The following ARIH1 variants were observed in gnomAD, a reference collection of about 807,000 sequenced individuals.
The protein encoded by ARIH1 is ariadne RBR E3 ubiquitin protein ligase 1.
A neutral mutation model predicts 85.0 loss-of-function variants in ARIH1; 8 were observed. The ratio of observed to expected loss-of-function variants is 0.09; its 90% CI spans 0.06 to 0.17. The LOEUF is 0.17. Ranked by LOEUF, ARIH1 falls within the 10% of genes least tolerant of loss-of-function variation. ARIH1 has a pLI of 1.00. For missense variants in ARIH1, 311 were observed against 718.1 expected (o/e 0.43, Z 6.48); for synonymous variants, 238 against 253.6 (o/e 0.94, Z 0.59).
At chr15:72,475,080 G>A (rs12903192) in intron 1 of ARIH1, 66 bp downstream of exon 1, 2 of 1,537,564 alleles carry the variant, frequency 1.3e-6, no homozygotes, top group Admixed American at 2.0e-5. Context: ...CGGCACGCGC[G>A]GTCCCGAGGG....
chr15:72,504,594 T>C (rs144830345), intron 1 of ARIH1, among the ~76,000 whole-genome samples: 1 of 152,206 alleles, frequency 6.6e-6, no homozygotes, highest in Non-Finnish European at 1.5e-5. Context: ...GCCGCTTCTC[T>C]CGTTCGTCTT....
In ARIH1 at chr15:72,598,983, G is replaced by A. The variant is rs993893549; in HGVS notation, c.*15691G>A. ...TTAAAGGCATGAGCCACCATGCCTG[G>A]TTAGGAATGGGAGTTTAAACAATGG... On this transcript the variant is annotated 3_prime_UTR_variant, in exon 14 of 14. Coordinates refer to ENST00000379887, the MANE Select transcript of ARIH1 (RefSeq NM_005744.5). The A allele has an allele frequency of 6.6e-6, 1 of 152,016 alleles. No individual in the cohort carries two copies. The highest frequency in any genetic ancestry group is 2.4e-5 in the African/African-American group (1 of 41,396). The allele number at this position is 152,016 out of a possible 1,614,324, so 9.4% of individuals were successfully genotyped here.
intron 2 of ARIH1, among the ~76,000 whole-genome samples, chr15:72,531,927 A>T (rs1168757897): frequency 1.3e-5 from 2 of 152,210 alleles, no homozygotes; most frequent in African/African-American, 4.8e-5. Flanking sequence ...ATTGTTATTT[A>T]AGCAACTATT....
intron 2 of ARIH1, among the ~76,000 whole-genome samples, chr15:72,533,418 C>T (rs1051532804): frequency 2.0e-5 from 3 of 152,190 alleles, no homozygotes; most frequent in African/African-American, 7.2e-5. Flanking sequence ...GCCCGTGGGC[C>T]CGGCCCCTGG....
chr15:72,483,662 C>T (rs796558442), intron 1 of ARIH1, among the ~76,000 whole-genome samples: 89 of 152,158 alleles, frequency 5.8e-4, no homozygotes, highest in African/African-American at 2.0e-3. Flanking sequence ...TTGGATTAAC[C>T]GTAAATTAAT....
At chr15:72,550,916 C>A (rs1567353719) in intron 3 of ARIH1, among the ~76,000 whole-genome samples, 1 of 152,146 alleles carries the variant, frequency 6.6e-6, no homozygotes, top group Non-Finnish European at 1.5e-5. Flanking sequence ...AGGTGATCCG[C>A]CTGCCTCAGC....
chr15:72,524,853 A>T (rs2064019968), intron 2 of ARIH1, among the ~76,000 whole-genome samples: 1 of 152,166 alleles, frequency 6.6e-6, no homozygotes, highest in Admixed American at 6.5e-5. Context: ...TATAAATAAA[A>T]TAATGATTGA....
intron 10 of ARIH1, 92 bp from the exon 11 acceptor site, chr15:72,572,016 A>G: frequency 1.1e-6 from 1 of 881,510 alleles, no homozygotes; most frequent in Non-Finnish European, 1.8e-6. Flanking sequence ...GGTGTTAGAT[A>G]ATCTGTAAAT....
Position 72,485,156 on chromosome 15 carries a change from ACG to A in ARIH1, c.375+10143_375+10144del, listed in dbSNP as rs1259482208. Among the ~76,000 whole-genome samples the A allele has an allele frequency of 2.6e-5, 4 of 152,166 alleles. No individual in the cohort carries two copies. The East Asian group carries it at 5.8e-4, about 22-fold the overall frequency. On this transcript the variant is annotated intron_variant, in intron 1 of 13. Coordinates refer to ENST00000379887, the MANE Select transcript of ARIH1 (RefSeq NM_005744.5). The stretch of plus-strand genomic sequence containing the variant: ...CTGAAGTTGTATAGCATTGAATCCC[ACG>A]TACTCTACCGATTTTTTCTACAGTG...
chr15:72,575,586 G>A (rs2064267376), intron 11 of ARIH1, among the ~76,000 whole-genome samples: 1 of 148,206 alleles, frequency 6.7e-6, no homozygotes, highest in Non-Finnish European at 1.5e-5. Flanking sequence ...AGTCTTATTA[G>A]CAGTGATGGT....
At chr15:72,503,494 T>A (rs2063912067) in intron 1 of ARIH1, among the ~76,000 whole-genome samples, 1 of 152,194 alleles carries the variant, frequency 6.6e-6, no homozygotes, top group African/African-American at 2.4e-5. Flanking sequence ...ATTTCAGTTC[T>A]GTAGTGTTCT....
At chr15:72,508,069 T>C (rs907776684) in intron 1 of ARIH1, among the ~76,000 whole-genome samples, 18 of 152,232 alleles carry the variant, frequency 1.2e-4, no homozygotes, top group Non-Finnish European at 2.6e-4. Flanking sequence ...CCCTTGACAG[T>C]TGAATCAGAA....
intron 11 of ARIH1, among the ~76,000 whole-genome samples, chr15:72,577,150 T>G (rs1345723026): frequency 1.3e-5 from 2 of 151,520 alleles, no homozygotes; most frequent in Admixed American, 6.6e-5. Context: ...GCCTGGCTAA[T>G]TTTTTTGTAT....
intron 11 of ARIH1, among the ~76,000 whole-genome samples, chr15:72,578,567 G>T (rs2064281792): frequency 6.6e-6 from 1 of 151,896 alleles, no homozygotes; most frequent in Admixed American, 6.6e-5. Context: ...TATGTCTTAT[G>T]CATTCATGAC....
intron 3 of ARIH1, among the ~76,000 whole-genome samples, chr15:72,554,427 C>G (rs1451487855): frequency 6.6e-6 from 1 of 152,142 alleles, no homozygotes; most frequent in African/African-American, 2.4e-5. Context: ...ACTTTGTTGC[C>G]TGGTGTGGAG....
chr15:72,554,929 T>G (rs1419827302), intron 3 of ARIH1, among the ~76,000 whole-genome samples: 2 of 152,166 alleles, frequency 1.3e-5, no homozygotes, highest in African/African-American at 4.8e-5. Context: ...CATTTTGTAT[T>G]TTTTGTAGAG....
rs73444709 is a variant in ARIH1, at chr15:72,475,198, C to G, written c.375+184C>G. 2.2e-3 allele frequency: 2,817 copies of G among 1,303,174 alleles called. 54 individuals are homozygous for G. In the African/African-American group the frequency reaches 0.041, roughly 19 times the overall value. 80.7% of individuals were successfully genotyped at this position (1,303,174 alleles called of 1,614,324 possible). A position where few individuals can be genotyped will look rare whatever the true frequency, so the allele number is the denominator to read the frequency against. On this transcript the variant is annotated intron_variant, in intron 1 of 13. Coordinates refer to ENST00000379887, the MANE Select transcript of ARIH1 (RefSeq NM_005744.5). ...TCGAAAGCAGAGGTTCGCCGATTAGCCGGGTGTGGGGAGGTGCGCTGGGGG... is the reference window on the plus strand; with the variant it reads ...TCGAAAGCAGAGGTTCGCCGATTAGGCGGGTGTGGGGAGGTGCGCTGGGGG...
Position 72,586,923 on chromosome 15 carries a change from T to C in ARIH1, c.*3631T>C, listed in dbSNP as rs2064319470. 5.2e-6 allele frequency: 1 copy of C among 193,122 alleles called. No homozygotes were observed. Among genetic ancestry groups the C allele is most frequent in the Admixed American group, 6.3e-5 (1 of 15,968 alleles). The allele number at this position is 193,122 out of a possible 1,614,324, so 12.0% of individuals were successfully genotyped here. The stretch of plus-strand genomic sequence containing the variant: ...TCCTTTACATTACTTTCATTTTAGC[T>C]CACTCTTAAAGCTGATACTGTTATA... On this transcript the variant is annotated 3_prime_UTR_variant, in exon 14 of 14. Transcript: ENST00000379887.
intron 1 of ARIH1, among the ~76,000 whole-genome samples, chr15:72,492,992 A>G: frequency 6.6e-6 from 1 of 152,114 alleles, no homozygotes; most frequent in East Asian, 1.9e-4. Context: ...GAAGGATCCT[A>G]ATGGTTATCC....
Sources: gnomAD v4.1 joint callset for allele counts (sites outside exome capture counted in the v4.1 genomes callset) on GRCh38, gnomAD v4.1.1 for gene constraint, MANE v1.5 for transcripts, NCBI Gene and HGNC (gene_info 2026-07-23, HGNC 2026-07-21) for gene names.